Variants in SREK1 observed in about 807,000 individuals in gnomAD.
SREK1 encodes splicing regulatory glutamine/lysine-rich protein 1.
In SREK1, 13 loss-of-function variants were observed where a neutral mutation model predicts 66.5. The observed-to-expected ratio is 0.20, with a 90% CI of 0.13 to 0.31. The LOEUF (loss-of-function observed/expected upper bound fraction) is 0.31. SREK1 is among the 10% of genes least tolerant of loss of function. The pLI is 1.00. For missense variants in SREK1, 607 were observed against 769.6 expected, an observed-to-expected ratio of 0.79 and a Z score of 2.50; for synonymous variants, 265 against 263.5, an observed-to-expected ratio of 1.01 and a Z score of -0.05.
At chr5:66,151,666 G>A (rs562281524) in intron 1 of SREK1, among the ~76,000 whole-genome samples, 1 of 152,174 alleles carries the variant, frequency 6.6e-6, no homozygotes, top group South Asian at 2.1e-4. Flanking sequence ...GTCATGTAAA[G>A]GTGGTGAGTT....
chr5:66,164,886 A>C lies in SREK1; in HGVS notation c.990A>C (p.Gln330His), dbSNP rs543583075. The change falls in exon 7 of 12, where the codon CAA (glutamine) becomes CAC (histidine). Residue 330 changes from glutamine to histidine, a missense_variant. Physicochemically the swap from Gln to His is conservative, Grantham distance 24. Coordinates refer to ENST00000334121, the MANE Select transcript of SREK1 (RefSeq NM_001077199.3). ...CCCATTCTAGAAGGAAAAGATCACA[A>C]TCAAAACACAGGTGAGAATTTCTGC... ...SKSHSRRKRS[Q>H]SKHRSRSHNR... is the part of the protein sequence containing the mutation. The C allele has an allele frequency of 1.3e-4, 206 of 1,613,514 alleles. No homozygotes were observed. The highest frequency in any genetic ancestry group is 1.7e-4 in the Non-Finnish European group (196 of 1,179,618).
chr5:66,153,741 A>G lies in SREK1; in HGVS notation c.295+145A>G, dbSNP rs1162851411. On this transcript the variant is annotated intron_variant, in intron 2 of 11. Coordinates refer to ENST00000334121, the MANE Select transcript of SREK1 (RefSeq NM_001077199.3). ...AAATTTGGAGGAGGTAAACCTTTTTACCTAATAGTAATATTAAAATGGTTA... is the reference window on the plus strand; with the variant it reads ...AAATTTGGAGGAGGTAAACCTTTTTGCCTAATAGTAATATTAAAATGGTTA... The G allele has an allele frequency of 4.3e-6, 4 of 924,392 alleles. No individual in the cohort carries two copies. In the East Asian group the frequency reaches 8.1e-5, roughly 19 times the overall value. The allele number at this position is 924,392 out of a possible 1,614,324, so 57.3% of individuals were successfully genotyped here. A position where few individuals can be genotyped will look rare whatever the true frequency, so the allele number is the denominator to read the frequency against.
intron 3 of SREK1, 74 bp downstream of exon 3, chr5:66,159,408 T>A: frequency 8.4e-7 from 1 of 1,189,208 alleles, no homozygotes; most frequent in South Asian, 2.2e-5. Context: ...GAGCTTCAGA[T>A]TATTTGCATT....
intron 1 of SREK1, among the ~76,000 whole-genome samples, chr5:66,147,452 C>T (rs1327246748): frequency 1.3e-5 from 2 of 152,264 alleles, no homozygotes; most frequent in African/African-American, 2.4e-5. Flanking sequence ...GTAAACATAC[C>T]TATATAACCA....
intron 6 of SREK1, 39 bp from the exon 7 acceptor site, chr5:66,164,740 AATTG>A: frequency 6.2e-7 from 1 of 1,613,456 alleles, no homozygotes; most frequent in Non-Finnish European, 8.5e-7. Context: ...TGGGATCTTT[AATTG>A]TTCTGAGCTT....
Position 66,157,645 on chromosome 5 carries a change from A to G in SREK1, c.296-1574A>G, listed in dbSNP as rs534707371. The G allele has an allele frequency of 6.2e-6, 6 of 969,920 alleles. No homozygotes were observed. In the African/African-American group the frequency reaches 8.8e-5, roughly 14 times the overall value. The allele number at this position is 969,920 out of a possible 1,614,324, so 60.1% of individuals were successfully genotyped here. A position where few individuals can be genotyped will look rare whatever the true frequency, so the allele number is the denominator to read the frequency against. ...CAGATTATTGTTATTTGATGTTTTC[A>G]GTAAGGCCTACCTGCCTTTTGTTGA... On this transcript the variant is annotated intron_variant, in intron 2 of 11. Coordinates refer to ENST00000334121, the MANE Select transcript of SREK1 (RefSeq NM_001077199.3).
rs1284894534 is a variant in SREK1, at chr5:66,181,948, C to T, written c.*3080C>T. On this transcript the variant is annotated 3_prime_UTR_variant, in exon 12 of 12. Coordinates refer to ENST00000334121, the MANE Select transcript of SREK1 (RefSeq NM_001077199.3). Reference sequence around the variant, plus strand: ...TTTATTTTGTGATAGTAATAATTTTCAAGACCTTCAGTCATTCCTATGTCT... The same window carrying T: ...TTTATTTTGTGATAGTAATAATTTTTAAGACCTTCAGTCATTCCTATGTCT... The T allele has an allele frequency of 7.1e-6, 1 of 140,462 alleles. No homozygotes were observed. The highest frequency in any genetic ancestry group is 1.5e-5 in the Non-Finnish European group (1 of 65,098). The allele number at this position is 140,462 out of a possible 1,614,324, so 8.7% of individuals were successfully genotyped here. A position where few individuals can be genotyped will look rare whatever the true frequency, so the allele number is the denominator to read the frequency against.
chr5:66,145,282 A>T lies in SREK1; in HGVS notation c.161+745A>T, dbSNP rs921686117. 1.1e-5 allele frequency: 6 copies of T among 535,888 alleles called. No individual in the cohort carries two copies. The African/African-American group carries it at 1.2e-4, about 11-fold the overall frequency. 33.2% of individuals were successfully genotyped at this position (535,888 alleles called of 1,614,324 possible). ...CCACTTCCCAGATAGTGTATTTTGG[A>T]ATGGTAAAATTTCCCTCGTACGATA... On this transcript the variant is annotated intron_variant, in intron 1 of 11. Coordinates refer to ENST00000334121, the MANE Select transcript of SREK1 (RefSeq NM_001077199.3).
At chr5:66,144,771 C>A (rs185228496) in intron 1 of SREK1, 1 of 1,220,214 alleles carries the variant, frequency 8.2e-7, no homozygotes, top group Non-Finnish European at 1.0e-6. Flanking sequence ...AGAATGGTTG[C>A]CCTTTCTGTG....
At position 66,174,927 on chromosome 5, in the gene SREK1, A is replaced by T. The variant is rs376367704; in HGVS notation, c.1485-19A>T. On this transcript the variant is annotated intron_variant, in intron 9 of 11. Coordinates refer to ENST00000334121, the MANE Select transcript of SREK1 (RefSeq NM_001077199.3). ...ATTTCAATTGCTGTTTTTAAAAATG[A>T]TGTGTTTTTGATTTTCAGGGAAAGG... The T allele has an allele frequency of 7.6e-4, 1,217 of 1,604,852 alleles. No individual in the cohort carries two copies. The highest frequency in any genetic ancestry group is 9.4e-4 in the Non-Finnish European group (1,101 of 1,175,684).
At chr5:66,157,601 A>G (rs899548079) in intron 2 of SREK1, 3 of 969,102 alleles carry the variant, frequency 3.1e-6, no homozygotes, top group East Asian at 1.1e-4. Flanking sequence ...GTTAATACCA[A>G]TAACTAATAC....
At chr5:66,156,229 A>C (rs1051838166) in intron 2 of SREK1, 3 of 1,291,624 alleles carry the variant, frequency 2.3e-6, no homozygotes, top group Middle Eastern at 2.0e-4. Flanking sequence ...GTTTTACTTT[A>C]ATTTCATTTC....
intron 1 of SREK1, among the ~76,000 whole-genome samples, chr5:66,146,496 C>T (rs1169481102): frequency 3.9e-5 from 6 of 151,990 alleles, no homozygotes; most frequent in Admixed American, 6.6e-5. Flanking sequence ...TGGAAGATTA[C>T]GGTAGTGTAT....
intron 10 of SREK1, chr5:66,177,287 G>A: frequency 2.7e-6 from 1 of 375,428 alleles, no homozygotes; most frequent in East Asian, 4.3e-5. Context: ...AACATATGGT[G>A]GCCTCTGCCA....
intron 1 of SREK1, among the ~76,000 whole-genome samples, chr5:66,152,200 A>T (rs1460523278): frequency 1.3e-5 from 2 of 152,322 alleles, no homozygotes; most frequent in East Asian, 3.9e-4. Flanking sequence ...TTGTGTTAAT[A>T]ATGTAAATAG....
intron 3 of SREK1, among the ~76,000 whole-genome samples, chr5:66,159,713 G>A (rs369986712): frequency 3.5e-4 from 54 of 152,190 alleles, no homozygotes; most frequent in African/African-American, 1.3e-3. Context: ...AAAAAAACAG[G>A]TCTTTGTCTG....
intron 1 of SREK1, chr5:66,145,134 T>C (rs1054093809): frequency 1.1e-5 from 11 of 985,414 alleles, no homozygotes; most frequent in African/African-American, 1.7e-5. Flanking sequence ...GACAGCAGAT[T>C]AAATTTTCCT....
chr5:66,170,271 T>C, intron 8 of SREK1, 101 bp downstream of exon 8: 1 of 1,412,956 alleles, frequency 7.1e-7, no homozygotes, highest in East Asian at 2.4e-5. Flanking sequence ...AAATCTGTTG[T>C]GGTTTAGGTT....
chr5:66,158,655 A>T, intron 2 of SREK1: 2 of 454,156 alleles, frequency 4.4e-6, no homozygotes, highest in Non-Finnish European at 6.9e-6. Context: ...TAGTTTCAGT[A>T]ACAGGATAGG....
Sources: allele counts gnomAD v4.1 joint callset (sites outside exome capture counted in the v4.1 genomes callset), GRCh38; gene constraint gnomAD v4.1.1; transcripts MANE v1.5; gene names NCBI Gene and HGNC (gene_info 2026-07-23, HGNC 2026-07-21).